The following ADGRL3 variants were observed in gnomAD, a reference collection of about 807,000 sequenced individuals.
ADGRL3 encodes adhesion G protein-coupled receptor L3.
Under a neutral mutation model 153.5 loss-of-function variants are expected in ADGRL3, and 62 were observed. The ratio of observed to expected loss-of-function variants is 0.40; its 90% CI spans 0.33 to 0.50. The LOEUF (loss-of-function observed/expected upper bound fraction) is 0.50, where lower values mean the gene tolerates loss of function less well. Ranked by LOEUF, ADGRL3 falls within the 20% of genes least tolerant of loss-of-function variation. The pLI is 0.47. For missense variants in ADGRL3, 1,641 were observed against 1,859.4 expected, an observed-to-expected ratio of 0.88 and a Z score of 2.16; for synonymous variants, 710 against 672.5, an observed-to-expected ratio of 1.06 and a Z score of -0.86.
chr4:62,031,253 T>C (rs910667941), intron 22 of ADGRL3, among the ~76,000 whole-genome samples, 189 bp from the exon 23 acceptor site: 2 of 151,668 alleles, frequency 1.3e-5, no homozygotes, highest in African/African-American at 4.8e-5. Context: ...TTCATTCATG[T>C]ATATATCTCC....
Position 61,724,145 on chromosome 4 carries a change from G to A in ADGRL3, c.584-6477G>A, listed in dbSNP as rs6839653. Among the ~76,000 whole-genome samples the A allele has an allele frequency of 5.0e-3, 764 of 152,168 alleles. 8 individuals carry two copies. The highest frequency in any genetic ancestry group is 0.014 in the African/African-American group (593 of 41,526). ...TAACTCTGCCTTTGTTTTTTGTTTA[G>A]CTACTTTAAATGTCATGTGGTTATC... On this transcript the variant is annotated intron_variant, in intron 6 of 26. Transcript: ENST00000683033.
intron 5 of ADGRL3, among the ~76,000 whole-genome samples, chr4:61,670,454 G>C (rs892183775): frequency 6.6e-6 from 1 of 151,850 alleles, no homozygotes; most frequent in East Asian, 1.9e-4. Context: ...TGTTATAATC[G>C]AACATGAGAT....
At chr4:61,575,884 AC>A (rs2098874746) in intron 4 of ADGRL3, among the ~76,000 whole-genome samples, 1 of 152,088 alleles carries the variant, frequency 6.6e-6, no homozygotes, top group East Asian at 1.9e-4. Context: ...TTTTATAAAG[AC>A]TTTCTATTGA....
At position 62,077,644 on chromosome 4, in the gene ADGRL3, G is replaced by C. The variant is rs1286634654; in HGVS notation, c.*6736G>C. On this transcript the variant is annotated 3_prime_UTR_variant, in exon 27 of 27. Transcript: ENST00000683033. ...GCATTCTTAGGCTAATTAGTGCCTAGTCCTCTGGAGTATTTTTTAATGCCC... is the reference window on the plus strand; with the variant it reads ...GCATTCTTAGGCTAATTAGTGCCTACTCCTCTGGAGTATTTTTTAATGCCC... The C allele has an allele frequency of 6.6e-6, 1 of 151,862 alleles. No homozygotes were observed. The highest frequency in any genetic ancestry group is 2.4e-5 in the African/African-American group (1 of 41,394). 9.4% of individuals were successfully genotyped at this position (151,862 alleles called of 1,614,324 possible).
chr4:61,571,723 T>G (rs1332664867), intron 4 of ADGRL3, among the ~76,000 whole-genome samples: 1 of 152,170 alleles, frequency 6.6e-6, no homozygotes, highest in African/African-American at 2.4e-5. Context: ...ATACTAGAAA[T>G]AGAACATTGA....
In ADGRL3 at chr4:61,853,002, TGTTG is replaced by T. The variant is rs199790204; in HGVS notation, c.1480+39129_1480+39132del. 4.5e-3 allele frequency among the ~76,000 whole-genome samples: 684 copies of T among 152,184 alleles called. 4 individuals are homozygous for T. The highest frequency in any genetic ancestry group is 0.016 in the African/African-American group (645 of 41,534). On this transcript the variant is annotated intron_variant, in intron 9 of 26. Transcript: ENST00000683033. ...TATCCTTCTTTCCATGCTTGTTTTT[TGTTG>T]GTTGGTTGGTTGGTTTTGTTTTGTT...
At chr4:61,859,042 G>A (rs2098311840) in intron 9 of ADGRL3, among the ~76,000 whole-genome samples, 1 of 152,146 alleles carries the variant, frequency 6.6e-6, no homozygotes, top group African/African-American at 2.4e-5. Flanking sequence ...TAAGCCTATA[G>A]TATTGTTTAA....
intron 1 of ADGRL3, among the ~76,000 whole-genome samples, chr4:61,369,149 T>C (rs540157173): frequency 0.045 from 6,840 of 152,236 alleles, 493 homozygotes; most frequent in African/African-American, 0.16. Context: ...TGGGGTTTTC[T>C]AGATATACAA....
chr4:61,238,271 A>C (rs2149286236), intron 1 of ADGRL3, among the ~76,000 whole-genome samples: 1 of 152,256 alleles, frequency 6.6e-6, no homozygotes, highest in Non-Finnish European at 1.5e-5. Context: ...TAAAATACTT[A>C]TTCACTGTGG....
chr4:61,551,573 A>T (rs1329316594), intron 4 of ADGRL3, among the ~76,000 whole-genome samples: 4 of 152,168 alleles, frequency 2.6e-5, no homozygotes, highest in Admixed American at 6.5e-5. Flanking sequence ...TATAAAACTC[A>T]TGAGAGTTGG....
At chr4:61,768,036 T>G in intron 8 of ADGRL3, among the ~76,000 whole-genome samples, 1 of 152,104 alleles carries the variant, frequency 6.6e-6, no homozygotes, top group East Asian at 1.9e-4. Flanking sequence ...TTTTAGGGGC[T>G]AGGGCTGTAA....
intron 9 of ADGRL3, among the ~76,000 whole-genome samples, chr4:61,847,766 T>A (rs1435011774): frequency 5.6e-5 from 2 of 36,030 alleles, no homozygotes; most frequent in Non-Finnish European, 9.5e-5. Flanking sequence ...TAATACAAAA[T>A]ATATATATAA....
At chr4:61,553,735 G>T (rs1167215081) in intron 4 of ADGRL3, among the ~76,000 whole-genome samples, 6 of 151,768 alleles carry the variant, frequency 4.0e-5, no homozygotes, top group African/African-American at 9.7e-5. Flanking sequence ...TTGCCCAGTG[G>T]GAGTGTTTGG....
At chr4:61,377,063 A>G (rs1298518476) in intron 1 of ADGRL3, among the ~76,000 whole-genome samples, 1 of 152,132 alleles carries the variant, frequency 6.6e-6, no homozygotes, top group Non-Finnish European at 1.5e-5. Context: ...AGCTGTTACC[A>G]CAATGGCTGG....
chr4:61,979,483 T>C, intron 17 of ADGRL3, 80 bp from the exon 18 acceptor site: 3 of 1,099,580 alleles, frequency 2.7e-6, no homozygotes, highest in Non-Finnish European at 4.2e-6. Flanking sequence ...ACTATCATGC[T>C]TTGTGCATCC....
intron 5 of ADGRL3, among the ~76,000 whole-genome samples, chr4:61,662,036 G>T (rs1455632809): frequency 6.6e-6 from 1 of 152,228 alleles, no homozygotes; most frequent in African/African-American, 2.4e-5. Flanking sequence ...AGCCAATCTG[G>T]AGTGGCCACT....
intron 8 of ADGRL3, among the ~76,000 whole-genome samples, chr4:61,744,075 C>T (rs192170631): frequency 2.2e-4 from 33 of 152,302 alleles, no homozygotes; most frequent in Non-Finnish European, 4.0e-4. Context: ...GCACCTGGCT[C>T]GGAGGGTCCT....
At chr4:61,246,086 T>C (rs536990979) in intron 1 of ADGRL3, among the ~76,000 whole-genome samples, 3 of 152,166 alleles carry the variant, frequency 2.0e-5, no homozygotes, top group Non-Finnish European at 4.4e-5. Context: ...CTCCTAACTA[T>C]GGCCCTTTTC....
intron 9 of ADGRL3, among the ~76,000 whole-genome samples, chr4:61,864,025 T>G (rs953914144): frequency 3.9e-5 from 6 of 152,166 alleles, no homozygotes; most frequent in Admixed American, 3.9e-4. Flanking sequence ...AACATATATT[T>G]TACATGACAG....
Sources: gnomAD v4.1 joint callset for allele counts (sites outside exome capture counted in the v4.1 genomes callset) on GRCh38, gnomAD v4.1.1 for gene constraint, MANE v1.5 for transcripts, NCBI Gene and HGNC (gene_info 2026-07-23, HGNC 2026-07-21) for gene names.